The following MYOM3 variants were observed in gnomAD, a reference collection of about 807,000 sequenced individuals.
MYOM3 encodes myomesin 3.
MYOM3 carries 155 observed loss-of-function variants against 191.7 expected under a neutral mutation model. The ratio of observed to expected loss-of-function variants is 0.81; its 90% CI spans 0.71 to 0.92. The LOEUF (loss-of-function observed/expected upper bound fraction) is 0.92, where lower values mean the gene tolerates loss of function less well. MYOM3 is among the 40% of genes least tolerant of loss of function. The pLI, the probability that MYOM3 is intolerant of heterozygous loss-of-function variation, is 0.00. For missense variants in MYOM3, 1,889 were observed against 1,890.6 expected, an observed-to-expected ratio of 1.00 and a Z score of 0.02; for synonymous variants, 757 against 762.9, an observed-to-expected ratio of 0.99 and a Z score of 0.13.
chr1:24,092,215 A>T lies in MYOM3; in HGVS notation c.1191T>A (p.Ser397Arg). 3 of 1,453,892 alleles carry T rather than the reference A, an allele frequency of 2.1e-6. No homozygotes were observed. The highest frequency in any genetic ancestry group is 2.7e-6 in the Non-Finnish European group (3 of 1,095,562). The allele number at this position is 1,453,892 out of a possible 1,614,324, so 90.1% of individuals were successfully genotyped here. A position where few individuals can be genotyped will look rare whatever the true frequency, so the allele number is the denominator to read the frequency against. The change falls in exon 11 of 37, where the codon AGT becomes AGA. Residue 397 changes from serine to arginine, a missense_variant. Physicochemically the swap from Ser to Arg is moderately radical, Grantham distance 110. Coordinates refer to ENST00000374434, the MANE Select transcript of MYOM3 (RefSeq NM_152372.4). The part of the protein sequence containing the change: ...DCLILTWAPP[S>R]DTRGNPITAY... ...CAGTGATGGGGTTGCCCCGGGTGTC[A>T]CTGGGCGGGGCCCAAGTCAGGATGA... is the stretch of plus-strand genomic sequence containing the variant.
At chr1:24,073,179 G>A (rs565405931) in intron 23 of MYOM3, among the ~76,000 whole-genome samples, 1 of 152,306 alleles carries the variant, frequency 6.6e-6, no homozygotes, top group South Asian at 2.1e-4. Flanking sequence ...GGCCCAGGAA[G>A]GTGGCATGAC....
intron 24 of MYOM3, among the ~76,000 whole-genome samples, 192 bp downstream of exon 24, chr1:24,071,777 T>C (rs1371683819): frequency 6.6e-6 from 1 of 152,202 alleles, no homozygotes; most frequent in Non-Finnish European, 1.5e-5. Context: ...CTTCCTCGCA[T>C]CCCCTTTCCT....
chr1:24,099,835 C>T (rs1643900039), intron 5 of MYOM3, 60 bp from the exon 6 acceptor site: 2 of 1,227,388 alleles, frequency 1.6e-6, no homozygotes, highest in Admixed American at 1.7e-5. Context: ...GGGTCTGGAG[C>T]CTCTCGGATG....
At chr1:24,071,011 GA>G in intron 25 of MYOM3, 105 bp downstream of exon 25, 1 of 1,375,456 alleles carries the variant, frequency 7.3e-7, no homozygotes, top group Admixed American at 2.0e-5. Context: ...CGTCATTTCT[GA>G]AATGGCCACT....
chr1:24,075,854 G>T (rs1643592473), intron 21 of MYOM3, among the ~76,000 whole-genome samples: 1 of 152,184 alleles, frequency 6.6e-6, no homozygotes, highest in South Asian at 2.1e-4. Context: ...AGTGCAATGT[G>T]CGCATCACCA....
rs768039253 is a variant in MYOM3 at position 24,057,606 on chromosome 1, C to T, written c.4072G>A (p.Val1358Ile). Residue 1358 changes from valine (V) to isoleucine (I), a missense_variant, in exon 37 of 37, where the codon GTC (valine) becomes ATC (isoleucine). By Grantham distance (29) the Val-to-Ile change is conservative. Coordinates refer to ENST00000374434, the MANE Select transcript of MYOM3 (RefSeq NM_152372.4). ...EDKTLCLTCIVSGDPTPEISW... is the reference protein window; with the variant it reads ...EDKTLCLTCIISGDPTPEISW... ...ATTTCAGGGGTGGGGTCTCCTGAGA[C>T]GATGCAAGTCAAGCACAGGGTCTGT... 2.3e-5 allele frequency: 37 copies of T among 1,613,902 alleles called. No homozygotes were observed. The highest frequency in any genetic ancestry group is 8.8e-5 in the South Asian group (8 of 91,082).
chr1:24,076,108 C>T (rs1643595595), intron 21 of MYOM3, 51 bp downstream of exon 21: 7 of 1,437,812 alleles, frequency 4.9e-6, no homozygotes, highest in Non-Finnish European at 6.9e-6. Context: ...TCCACCCGTC[C>T]CCAGTGGCGT....
At chr1:24,090,294 G>A (rs1213243628) in intron 12 of MYOM3, among the ~76,000 whole-genome samples, 176 bp from the exon 13 acceptor site, 1 of 152,194 alleles carries the variant, frequency 6.6e-6, no homozygotes, top group Non-Finnish European at 1.5e-5. Context: ...GGAGTCCCAA[G>A]TGGAGCCCTG....
At chr1:24,070,845 A>T (rs1643522285) in intron 25 of MYOM3, among the ~76,000 whole-genome samples, 1 of 152,204 alleles carries the variant, frequency 6.6e-6, no homozygotes, top group Non-Finnish European at 1.5e-5. Flanking sequence ...GGGTAATCAG[A>T]AGTTGTGGGG....
chr1:24,076,402 G>A lies in MYOM3; in HGVS notation c.2587-129C>T, dbSNP rs147147911. ...CTTCTTGTGTCCCTCATCTTTCCAT[G>A]TGACAAAGATGGCCATTCAACACCT... On this transcript the variant is annotated intron_variant, in intron 20 of 36. Transcript: ENST00000374434. The A allele has an allele frequency of 1.4e-5, 9 of 649,718 alleles. No individual in the cohort carries two copies. In the East Asian group the frequency reaches 2.5e-4, roughly 18 times the overall value. The allele number at this position is 649,718 out of a possible 1,614,324, so 40.2% of individuals were successfully genotyped here.
intron 36 of MYOM3, 29 bp from the exon 37 acceptor site, chr1:24,057,656 C>T (rs780915510): frequency 1.9e-6 from 3 of 1,603,744 alleles, no homozygotes; most frequent in Non-Finnish European, 2.6e-6. Flanking sequence ...AGGGAACAGT[C>T]TCACCTCCTT....
chr1:24,060,251 T>C (rs942540258), intron 35 of MYOM3, among the ~76,000 whole-genome samples: 1 of 152,118 alleles, frequency 6.6e-6, no homozygotes, highest in African/African-American at 2.4e-5. Flanking sequence ...CTCAGCCCCC[T>C]GCAGGAGCTT....
intron 12 of MYOM3, 117 bp downstream of exon 12, chr1:24,090,672 GGGCTGGGC>G: frequency 1.1e-6 from 1 of 895,854 alleles, no homozygotes; most frequent in Non-Finnish European, 1.8e-6. Context: ...TGTTTACTGA[GGGCTGGGC>G]TGTGCTTCCT....
At chr1:24,089,929 A>G (rs1643795214) in intron 13 of MYOM3, 136 bp downstream of exon 13, 1 of 890,860 alleles carries the variant, frequency 1.1e-6, no homozygotes, top group African/African-American at 1.7e-5. Context: ...CAGCACTCTG[A>G]CTGCCTCCAA....
chr1:24,096,715 CGT>C lies in MYOM3; in HGVS notation c.745+1206_745+1207del, dbSNP rs1394728779. Among the ~76,000 whole-genome samples, 4 of 152,020 alleles carry C rather than the reference CGT, an allele frequency of 2.6e-5. No homozygotes were observed. In the East Asian group the frequency reaches 5.8e-4, roughly 22 times the overall value. On this transcript the variant is annotated intron_variant, in intron 7 of 36. Transcript: ENST00000374434. ...CCTCAGGAGTGTGTGTATGAGTGCG[CGT>C]GTGTGTATGAGTGCACGTGTGTGTG... is the stretch of plus-strand genomic sequence containing the variant.
At chr1:24,067,227 TG>T in intron 27 of MYOM3, 139 bp from the exon 28 acceptor site, 1 of 745,560 alleles carries the variant, frequency 1.3e-6, no homozygotes, top group Non-Finnish European at 2.2e-6. Flanking sequence ...GGGCTGGGAC[TG>T]GGGTGAGGCA....
intron 21 of MYOM3, 64 bp from the exon 22 acceptor site, chr1:24,075,539 C>G: frequency 6.8e-7 from 1 of 1,479,824 alleles, no homozygotes; most frequent in Non-Finnish European, 9.0e-7. Flanking sequence ...TCACACCCCT[C>G]CCCTGCTTAA....
chr1:24,090,810 G>A lies in MYOM3; in HGVS notation c.1419C>T (p.Ala473=). Reference sequence around the variant, plus strand: ...CTCTGTACCCACCTGTCTTCCTCCGGGCTGCATCATGGTCACCCATGACAA... The same window carrying A: ...CTCTGTACCCACCTGTCTTCCTCCGAGCTGCATCATGGTCACCCATGACAA... ...ELVVMGDHDA[A]RRKTEIPFDL... Residue 473 remains alanine (A), a synonymous_variant, in exon 12 of 37, where the codon GCC becomes GCT. Transcript: ENST00000374434. 1.2e-6 allele frequency: 2 copies of A among 1,614,084 alleles called. No individual in the cohort carries two copies. Among genetic ancestry groups the A allele is most frequent in the Non-Finnish European group, 1.7e-6 (2 of 1,180,008 alleles).
rs1347529785 is a variant in MYOM3, at chr1:24,111,894, T to TCACAACA, written c.-19+130_-19+136dup. ...TCAGCACAAATTTCCCAGGCTCCTT[T>TCACAACA]CACAACACACAACACACATACACAC... On this transcript the variant is annotated intron_variant, in intron 1 of 36. Coordinates refer to ENST00000374434, the MANE Select transcript of MYOM3 (RefSeq NM_152372.4). The surrounding 1 kb of genome is among the most constrained non-coding windows in gnomAD (Gnocchi z 4.7). 1 of 152,256 alleles carries TCACAACA rather than the reference T, an allele frequency of 6.6e-6. No homozygotes were observed. Among genetic ancestry groups the TCACAACA allele is most frequent in the African/African-American group, 2.4e-5 (1 of 41,394 alleles). The allele number at this position is 152,256 out of a possible 1,614,324, so 9.4% of individuals were successfully genotyped here. A position where few individuals can be genotyped will look rare whatever the true frequency, so the allele number is the denominator to read the frequency against.
Sources: allele counts gnomAD v4.1 joint callset (sites outside exome capture counted in the v4.1 genomes callset), GRCh38; gene constraint gnomAD v4.1.1; non-coding constraint Gnocchi (gnomAD v3.1); transcripts MANE v1.5; gene names NCBI Gene and HGNC (gene_info 2026-07-23, HGNC 2026-07-21).